The following PDILT variants were observed in gnomAD, a reference collection of about 807,000 sequenced individuals.
PDILT encodes protein disulfide isomerase like, testis expressed.
A neutral mutation model predicts 53.7 loss-of-function variants in PDILT; 43 were observed. That is an observed-to-expected ratio of 0.80 (90% confidence interval 0.63 to 1.03). The LOEUF (loss-of-function observed/expected upper bound fraction) is 1.03. Ranked by LOEUF, PDILT falls within the 50% of genes least tolerant of loss-of-function variation. The pLI is 0.00. For missense variants in PDILT, 727 were observed against 712.3 expected (o/e 1.02, Z -0.24); for synonymous variants, 282 against 274.2 (o/e 1.03, Z -0.28).
intron 3 of PDILT, among the ~76,000 whole-genome samples, chr16:20,377,370 T>C (rs1208490280): frequency 6.6e-6 from 1 of 152,246 alleles, no homozygotes; most frequent in East Asian, 1.9e-4. Flanking sequence ...ACTCATTTAT[T>C]TCTTCCCTCA....
Position 20,384,717 on chromosome 16 carries a change from A to G in PDILT, c.337T>C (p.Phe113Leu), listed in dbSNP as rs778925498. The change falls in exon 3 of 12, where the codon TTT becomes CTT. Residue 113 changes from phenylalanine to leucine, a missense_variant. Transcript: ENST00000302451. Reference protein sequence around the residue: ...ITIEKELQQEFGITKAPELKL... With the variant: ...ITIEKELQQELGITKAPELKL... The stretch of plus-strand genomic sequence containing the variant: ...AACTCCGGGGCCTTGGTAATCCCAA[A>G]CTCCTGCTGAAGCTCCTTCTCTATG... The G allele has an allele frequency of 6.2e-7, 1 of 1,613,854 alleles. No homozygotes were observed. The highest frequency in any genetic ancestry group is 1.1e-5 in the South Asian group (1 of 91,046).
In PDILT at chr16:20,372,892, A is replaced by G. The variant is rs147944882; in HGVS notation, c.828T>C (p.Ser276=). The change falls in exon 7 of 12, where the codon AGT becomes AGC. Residue 276 remains serine (S), a synonymous_variant. Transcript: ENST00000302451. Reference sequence around the variant, plus strand: ...TTTTGGAGACAAACAGCAGCATGTGACTCATGATGTGCAACTCGGAAATCA... The same window carrying G: ...TTTTGGAGACAAACAGCAGCATGTGGCTCATGATGTGCAACTCGGAAATCA... ...KDLISELHIM[S]HMLLFVSKSS... The G allele has an allele frequency of 2.2e-4, 356 of 1,614,056 alleles. 1 individual carries two copies. In the African/African-American group the frequency reaches 4.1e-3, roughly 19 times the overall value.
In PDILT at chr16:20,392,041, G is replaced by T. The variant is rs138204397; in HGVS notation, c.202+7058C>A. Among the ~76,000 whole-genome samples the T allele has an allele frequency of 1.3e-3, 204 of 152,144 alleles. 2 individuals carry two copies. Among genetic ancestry groups the T allele is most frequent in the East Asian group, 0.013 (66 of 5,124 alleles). ...GCATTGCAGGACAGCATTGGAGAAGGCAGGGAGACCATCTCAGAGGCTGCT... is the reference window on the plus strand; with the variant it reads ...GCATTGCAGGACAGCATTGGAGAAGTCAGGGAGACCATCTCAGAGGCTGCT... On this transcript the variant is annotated intron_variant, in intron 2 of 11. Transcript: ENST00000302451.
chr16:20,376,336 C>T, intron 3 of PDILT, 135 bp from the exon 4 acceptor site: 2 of 923,954 alleles, frequency 2.2e-6, no homozygotes, highest in African/African-American at 1.7e-5. Flanking sequence ...AAAGTCAGTT[C>T]CTCCATTCCC....
chr16:20,364,835 A>G (rs113992546), intron 9 of PDILT, among the ~76,000 whole-genome samples: 12 of 152,320 alleles, frequency 7.9e-5, no homozygotes, highest in African/African-American at 2.4e-4. Flanking sequence ...AGTACTGTAC[A>G]TGGAGGATTG....
At chr16:20,397,395 G>A (rs1205023370) in intron 2 of PDILT, among the ~76,000 whole-genome samples, 3 of 152,128 alleles carry the variant, frequency 2.0e-5, no homozygotes, top group East Asian at 3.9e-4. Flanking sequence ...TTCCCACCTC[G>A]GCCTCCCAAA....
Position 20,360,568 on chromosome 16 carries a change from C to G in PDILT, c.1506G>C (p.Glu502Asp), listed in dbSNP as rs765401925. Reference sequence around the variant, plus strand: ...TCAGAGTATTTCTGTTGCCCCTTACCTCATCCTCATCCTCAATCTTAGTTT... The same window carrying G: ...TCAGAGTATTTCTGTTGCCCCTTACGTCATCCTCATCCTCAATCTTAGTTT... ...HIKTKIEDED[E>D]LLSVEQNEVI... The change falls in exon 11 of 12, where the codon GAG becomes GAC. Residue 502 changes from glutamate (E) to aspartate (D), a missense_variant and splice_region_variant. Physicochemically the swap from Glu to Asp is conservative, Grantham distance 45. Coordinates refer to ENST00000302451, the MANE Select transcript of PDILT (RefSeq NM_174924.2). 1 of 1,611,962 alleles carries G rather than the reference C, an allele frequency of 6.2e-7. No individual in the cohort carries two copies. Among genetic ancestry groups the G allele is most frequent in the Non-Finnish European group, 8.5e-7 (1 of 1,178,026 alleles).
intron 3 of PDILT, among the ~76,000 whole-genome samples, chr16:20,377,797 A>G (rs141132922): frequency 2.4e-4 from 37 of 152,162 alleles, no homozygotes; most frequent in African/African-American, 8.4e-4. Flanking sequence ...TACTAAAAAT[A>G]CAAAAAATTA....
intron 3 of PDILT, among the ~76,000 whole-genome samples, chr16:20,378,552 C>T (rs1966418368): frequency 6.6e-6 from 1 of 152,184 alleles, no homozygotes; most frequent in Admixed American, 6.5e-5. Context: ...ATCAACCCAT[C>T]ACCTAGGCTT....
At chr16:20,398,593 T>C (rs1188015648) in intron 2 of PDILT, among the ~76,000 whole-genome samples, 1 of 152,172 alleles carries the variant, frequency 6.6e-6, no homozygotes, top group Non-Finnish European at 1.5e-5. Context: ...ATTATGCCAC[T>C]GCACTCCAGC....
intron 3 of PDILT, among the ~76,000 whole-genome samples, chr16:20,379,851 C>T (rs1011513785): frequency 6.6e-6 from 1 of 152,156 alleles, no homozygotes; most frequent in African/African-American, 2.4e-5. Context: ...CACCCTCAGA[C>T]CTTGGTACCC....
chr16:20,399,700 G>A (rs1966706163), intron 1 of PDILT, among the ~76,000 whole-genome samples: 1 of 86,768 alleles, frequency 1.2e-5, no homozygotes, highest in African/African-American at 4.9e-5. Context: ...CAGCCCCCCA[G>A]GAATCCCCCT....
rs1394406717 is a variant in PDILT at position 20,369,596 on chromosome 16, T to C, written c.1012A>G (p.Ile338Val). ...CTGGCGTCAGAGCTCAAGTTTAGGA[T>C]TTGGACGGATGGGATATCGACCTCT... is the stretch of plus-strand genomic sequence containing the variant. The part of the protein sequence containing the change: ...VTEVDIPSVQ[I>V]LNLSSDARYK... The change falls in exon 8 of 12, where the codon ATC (isoleucine) becomes GTC (valine). Residue 338 changes from isoleucine (I) to valine (V), a missense_variant. By Grantham distance (29) the Ile-to-Val change is conservative. Transcript: ENST00000302451. 6 of 1,614,204 alleles carry C rather than the reference T, an allele frequency of 3.7e-6. No homozygotes were observed. Among genetic ancestry groups the C allele is most frequent in the Non-Finnish European group, 5.1e-6 (6 of 1,180,042 alleles).
chr16:20,384,354 T>C (rs1443722392), intron 3 of PDILT, among the ~76,000 whole-genome samples: 1 of 152,192 alleles, frequency 6.6e-6, no homozygotes, highest in Non-Finnish European at 1.5e-5. Flanking sequence ...GTTCTGGCCA[T>C]GTAACAGAAT....
In PDILT at chr16:20,359,201, C is replaced by T. The variant is rs1354137282; in HGVS notation, c.*118G>A. 1 of 1,484,802 alleles carries T rather than the reference C, an allele frequency of 6.7e-7. No homozygotes were observed. The highest frequency in any genetic ancestry group is 1.4e-5 in the African/African-American group (1 of 71,408). The allele number at this position is 1,484,802 out of a possible 1,614,324, so 92.0% of individuals were successfully genotyped here. A position where few individuals can be genotyped will look rare whatever the true frequency, so the allele number is the denominator to read the frequency against. On this transcript the variant is annotated 3_prime_UTR_variant, in exon 12 of 12. Transcript: ENST00000302451. ...ACACTCAGAGGCTTTATTATCCACC[C>T]CTACCCCCGCCCCACCTACCCTACC...
intron 9 of PDILT, among the ~76,000 whole-genome samples, chr16:20,364,638 A>C (rs951823691): frequency 6.6e-6 from 1 of 152,170 alleles, no homozygotes; most frequent in Non-Finnish European, 1.5e-5. Context: ...CTTCAGTATC[A>C]CCTTTCTCTG....
At chr16:20,403,183 TC>T (rs1420143523) in intron 1 of PDILT, among the ~76,000 whole-genome samples, 1 of 152,208 alleles carries the variant, frequency 6.6e-6, no homozygotes, top group Non-Finnish European at 1.5e-5. Flanking sequence ...CACTGTGGTT[TC>T]CCGCCAAGAG....
chr16:20,363,892 A>G (rs1245796973), intron 9 of PDILT, among the ~76,000 whole-genome samples: 1 of 152,036 alleles, frequency 6.6e-6, no homozygotes, highest in Non-Finnish European at 1.5e-5. Context: ...ACCAGCTCCA[A>G]CCCAAGGGAA....
intron 10 of PDILT, 118 bp downstream of exon 10, chr16:20,362,286 G>C: frequency 1.9e-6 from 2 of 1,062,178 alleles, no homozygotes; most frequent in Non-Finnish European, 2.7e-6. Flanking sequence ...ATGGATAGTG[G>C]CTACAGCTGA....
Sources: gnomAD v4.1 joint callset for allele counts (sites outside exome capture counted in the v4.1 genomes callset) on GRCh38, gnomAD v4.1.1 for gene constraint, MANE v1.5 for transcripts, NCBI Gene and HGNC (gene_info 2026-07-23, HGNC 2026-07-21) for gene names.